The following FSIP2 variants were observed in gnomAD, a reference collection of about 807,000 sequenced individuals.
FSIP2 encodes fibrous sheath interacting protein 2, also known as fibrous sheath-interacting protein 2.
Under a neutral mutation model 510.5 loss-of-function variants are expected in FSIP2, and 367 were observed. The ratio of observed to expected loss-of-function variants is 0.72; its 90% CI spans 0.66 to 0.78. FSIP2 has a LOEUF of 0.78. Among genes scored for constraint, FSIP2 ranks in the 30% least tolerant of loss-of-function variants. The probability of loss-of-function intolerance (pLI) is 0.00; values close to 1 mark genes in which losing one functional copy is unlikely to be tolerated. For missense variants in FSIP2, 7,594 were observed against 7,901.7 expected (o/e 0.96, Z 1.48); for synonymous variants, 2,601 against 2,732.2 (o/e 0.95, Z 1.50).
chr2:185,803,267 T>C lies in FSIP2; in HGVS notation c.13961T>C (p.Leu4654Pro). The C allele has an allele frequency of 6.6e-7, 1 of 1,525,250 alleles. No homozygotes were observed. Among genetic ancestry groups the C allele is most frequent in the Non-Finnish European group, 8.8e-7 (1 of 1,142,412 alleles). The allele number at this position is 1,525,250 out of a possible 1,614,324, so 94.5% of individuals were successfully genotyped here. Reference protein sequence around the residue: ...TKSIRDSEDELFEKAEELIHL... With the variant: ...TKSIRDSEDEPFEKAEELIHL... ...TCCATAAGAGATTCAGAAGATGAAC[T>C]GTTTGAGAAAGCTGAAGAACTCATA... The change falls in exon 17 of 23, where the codon CTG becomes CCG. Residue 4654 changes from leucine to proline, a missense_variant. Transcript: ENST00000424728.
At chr2:185,738,504 C>T (rs981798395), upstream of FSIP2, 1 of 1,126,252 alleles carries the variant, frequency 8.9e-7, no homozygotes, top group African/African-American at 1.6e-5. Flanking sequence ...AAAACAATCA[C>T]TCGGGAATTT....
chr2:185,753,109 T>C (rs2105544100), intron 7 of FSIP2, among the ~76,000 whole-genome samples: 1 of 151,382 alleles, frequency 6.6e-6, no homozygotes, highest in South Asian at 2.1e-4. Context: ...GAAATATTTC[T>C]AGGGGGAATA....
At chr2:185,754,074 AT>A (rs1234240503) in intron 8 of FSIP2, among the ~76,000 whole-genome samples, 1 of 151,488 alleles carries the variant, frequency 6.6e-6, no homozygotes, top group African/African-American at 2.4e-5. Flanking sequence ...CCTGTACTGC[AT>A]TTGTAACCAA....
At chr2:185,773,391 A>C (rs921251058) in intron 13 of FSIP2, among the ~76,000 whole-genome samples, 12 of 152,128 alleles carry the variant, frequency 7.9e-5, no homozygotes, top group African/African-American at 2.7e-4. Flanking sequence ...TTTCTTTGTA[A>C]GTGACTAGAT....
intron 22 of FSIP2, 109 bp from the exon 23 acceptor site, chr2:185,832,981 G>C (rs1459099518): frequency 2.4e-6 from 2 of 838,052 alleles, no homozygotes; most frequent in Non-Finnish European, 3.9e-6. Context: ...AGAAAGTCTG[G>C]ACCCTATTAC....
At chr2:185,748,368 C>T (rs1277233481) in intron 7 of FSIP2, among the ~76,000 whole-genome samples, 3 of 151,478 alleles carry the variant, frequency 2.0e-5, no homozygotes, top group Non-Finnish European at 4.4e-5. Context: ...TCTCAAACTC[C>T]TGAGCTCAAA....
chr2:185,815,495 A>C (rs759357496), intron 19 of FSIP2, 24 bp downstream of exon 19: 2 of 1,082,612 alleles, frequency 1.8e-6, no homozygotes, highest in Admixed American at 4.9e-5. Flanking sequence ...AAGCAGTAGA[A>C]ATATAGAAAT....
intron 11 of FSIP2, 110 bp downstream of exon 11, chr2:185,762,127 A>G: frequency 1.9e-6 from 1 of 537,876 alleles, no homozygotes. Context: ...CTTATTCTAA[A>G]AAATTAAGGC....
chr2:185,832,279 T>C (rs1293807670), intron 22 of FSIP2, among the ~76,000 whole-genome samples: 1 of 151,904 alleles, frequency 6.6e-6, no homozygotes, highest in Non-Finnish European at 1.5e-5. Flanking sequence ...CAAATAGTTA[T>C]ATGAGCAAGG....
In FSIP2 at chr2:185,813,800, C is replaced by T. The variant is rs1202766125; in HGVS notation, c.20083C>T (p.Gln6695Ter). 1.2e-6 allele frequency: 2 copies of T among 1,613,416 alleles called. No homozygotes were observed. The highest frequency in any genetic ancestry group is 1.7e-5 in the Admixed American group (1 of 59,910). The change falls in exon 18 of 23, where the codon CAA becomes TAA. Residue 6695 changes from glutamine to a stop codon, truncating the protein, a stop_gained. Coordinates refer to ENST00000424728, the MANE Select transcript of FSIP2 (RefSeq NM_173651.4). LOFTEE classifies it high-confidence loss of function. ...AGTGAAAGAAGTCAAGAAGCCAATA[C>T]AAAGCAAACTTTCTCCTAAGTCAAC... ...DQVKEVKKPI[Q>*]SKLSPKSTLS...
At chr2:185,821,060 T>C (rs943632679) in intron 19 of FSIP2, among the ~76,000 whole-genome samples, 1 of 122,450 alleles carries the variant, frequency 8.2e-6, no homozygotes, top group African/African-American at 3.1e-5. Context: ...GACAAGTCTT[T>C]AGCTAGATTG....
At position 185,796,470 on chromosome 2, in the gene FSIP2, T is replaced by A; in HGVS notation, c.9334T>A (p.Leu3112Met). ...AATGGAACCATCTTCAATTAGCATA[T>A]TGAAAGAGAACATTGTAGCAAGTGA... ...SQMEPSSISI[L>M]KENIVASEII... Residue 3112 changes from leucine (L) to methionine (M), a missense_variant, in exon 16 of 23, where the codon TTG (leucine) becomes ATG (methionine). Leu to Met is a conservative substitution (Grantham distance 15, BLOSUM62 2). Transcript: ENST00000424728. 2 of 1,535,026 alleles carry A rather than the reference T, an allele frequency of 1.3e-6. No individual in the cohort carries two copies. The highest frequency in any genetic ancestry group is 1.7e-6 in the Non-Finnish European group (2 of 1,146,254).
Position 185,782,548 on chromosome 2 carries a change from G to A in FSIP2, c.1412-157G>A, listed in dbSNP as rs115076838. ...AAGGACATCAGATCTTACAGTACAG[G>A]TCCTTGCTAAGGACTTTGGACTTCA... is the stretch of plus-strand genomic sequence containing the variant. On this transcript the variant is annotated intron_variant, in intron 13 of 22. Coordinates refer to ENST00000424728, the MANE Select transcript of FSIP2 (RefSeq NM_173651.4). Among the ~76,000 whole-genome samples, 457 of 152,256 alleles carry A rather than the reference G, an allele frequency of 3.0e-3. 3 individuals carry two copies. The highest frequency in any genetic ancestry group is 4.7e-3 in the Non-Finnish European group (323 of 68,010).
chr2:185,747,348 G>T lies in FSIP2; in HGVS notation c.795G>T (p.Arg265Ser). The change falls in exon 7 of 23, where the codon AGG (arginine) becomes AGT (serine). Residue 265 changes from arginine (R) to serine (S), a missense_variant. Transcript: ENST00000424728. ...CAAAAGAGATGTTACTTCTGACAAG[G>T]ATGGCAGAAGATGTTAAAAGAGAAG... is the stretch of plus-strand genomic sequence containing the variant. ...WKTKEMLLLT[R>S]MAEDVKREER... 1.3e-6 allele frequency: 2 copies of T among 1,531,362 alleles called. No homozygotes were observed. The highest frequency in any genetic ancestry group is 1.8e-6 in the Non-Finnish European group (2 of 1,142,680). 94.9% of individuals were successfully genotyped at this position (1,531,362 alleles called of 1,614,324 possible).
Position 185,806,088 on chromosome 2 carries a change from A to G in FSIP2, c.16782A>G (p.Glu5594=). 2 of 1,575,636 alleles carry G rather than the reference A, an allele frequency of 1.3e-6. No individual in the cohort carries two copies. The highest frequency in any genetic ancestry group is 2.4e-5 in the South Asian group (2 of 84,192). Residue 5594 remains glutamate (E), a synonymous_variant, in exon 17 of 23, where the codon GAA becomes GAG. Coordinates refer to ENST00000424728, the MANE Select transcript of FSIP2 (RefSeq NM_173651.4). ...THFSLIIDDT[E]YEKEVLGSDS... is the part of the protein sequence containing the mutation. ...TTTCATTAATAATTGATGATACAGAATATGAGAAGGAAGTACTTGGATCAG... is the reference window on the plus strand; with the variant it reads ...TTTCATTAATAATTGATGATACAGAGTATGAGAAGGAAGTACTTGGATCAG...
At chr2:185,824,370 T>TATGGAGAA in intron 19 of FSIP2, 64 bp from the exon 20 acceptor site, 1 of 1,080,180 alleles carries the variant, frequency 9.3e-7, no homozygotes. Flanking sequence ...GTTCTTTTGC[T>TATGGAGAA]TAACCAGTAA....
At chr2:185,757,613 T>C (rs1574158524) in intron 9 of FSIP2, among the ~76,000 whole-genome samples, 3 of 151,468 alleles carry the variant, frequency 2.0e-5, no homozygotes, top group Admixed American at 6.6e-5. Context: ...CATTTCATCA[T>C]TGAGTCATGA....
chr2:185,738,863 G>A lies in FSIP2; in HGVS notation c.-32G>A. On this transcript the variant is annotated 5_prime_UTR_variant, in exon 1 of 23. The change creates a new upstream start codon in the 5' untranslated region. Transcript: ENST00000424728. ...GTGCTAGAGAAGGAGAGCGGGGCGGGTGAGGAAGGGGCTGAGGGGGCTGTG... is the reference window on the plus strand; with the variant it reads ...GTGCTAGAGAAGGAGAGCGGGGCGGATGAGGAAGGGGCTGAGGGGGCTGTG... The A allele has an allele frequency of 4.6e-6, 7 of 1,524,630 alleles. No homozygotes were observed. Among genetic ancestry groups the A allele is most frequent in the Non-Finnish European group, 6.1e-6 (7 of 1,141,894 alleles). The allele number at this position is 1,524,630 out of a possible 1,614,324, so 94.4% of individuals were successfully genotyped here. A position where few individuals can be genotyped will look rare whatever the true frequency, so the allele number is the denominator to read the frequency against.
Position 185,805,841 on chromosome 2 carries a change from C to T in FSIP2, c.16535C>T (p.Thr5512Ile). Residue 5512 changes from threonine to isoleucine, a missense_variant, in exon 17 of 23, where the codon ACA becomes ATA. By Grantham distance (89) the Thr-to-Ile change is moderately conservative. Coordinates refer to ENST00000424728, the MANE Select transcript of FSIP2 (RefSeq NM_173651.4). ...GMINLTSGLA[T>I]GVTNKKEVDE... ...ATTAACCTAACATCAGGGTTGGCTA[C>T]AGGTGTGACAAATAAAAAGGAAGTG... 1.2e-6 allele frequency: 2 copies of T among 1,609,024 alleles called. No individual in the cohort carries two copies. Among genetic ancestry groups the T allele is most frequent in the Non-Finnish European group, 1.7e-6 (2 of 1,177,792 alleles).
Sources: gnomAD v4.1 joint callset for allele counts (sites outside exome capture counted in the v4.1 genomes callset) on GRCh38, gnomAD v4.1.1 for gene constraint, MANE v1.5 for transcripts, NCBI Gene and HGNC (gene_info 2026-07-23, HGNC 2026-07-21) for gene names.